Variants in KIF15 observed in about 807,000 individuals in gnomAD.
KIF15 encodes kinesin family member 15.
In KIF15, 140 loss-of-function variants were observed where a neutral mutation model predicts 190.6. That is an observed-to-expected ratio of 0.73 (90% CI 0.64 to 0.84). The LOEUF is 0.84. KIF15 is among the 40% of genes least tolerant of loss of function. The probability of loss-of-function intolerance (pLI) is 0.00; values close to 1 mark genes in which losing one functional copy is unlikely to be tolerated. For synonymous variants in KIF15, 528 were observed against 551.3 expected, an observed-to-expected ratio of 0.96 and a Z score of 0.59; for missense variants, 1,372 against 1,584.4, an observed-to-expected ratio of 0.87 and a Z score of 2.28.
intron 18 of KIF15, 60 bp downstream of exon 18, chr3:44,812,349 GAAAC>G: frequency 2.1e-5 from 25 of 1,204,210 alleles, no homozygotes; most frequent in Non-Finnish European, 2.9e-5. Flanking sequence ...TTACCTTGAG[GAAAC>G]ATCCTCAAGG....
At chr3:44,780,592 T>C (rs943471822) in intron 4 of KIF15, among the ~76,000 whole-genome samples, 1 of 152,148 alleles carries the variant, frequency 6.6e-6, no homozygotes, top group Non-Finnish European at 1.5e-5. Flanking sequence ...AAAAATAGGT[T>C]GCAAAGCAGT....
Position 44,815,040 on chromosome 3 carries a change from G to A in KIF15, c.2513G>A (p.Arg838Lys), listed in dbSNP as rs1204441885. 6.2e-7 allele frequency: 1 copy of A among 1,610,484 alleles called. No individual in the cohort carries two copies. The highest frequency in any genetic ancestry group is 8.5e-7 in the Non-Finnish European group (1 of 1,178,892). ...QEKEFNKLSE[R>K]HMHVQLQLDN... ...AAAGAATTCAACAAACTTTCCGAAA[G>A]ACACATGCATGTACAGCTTCAATTA... Residue 838 changes from arginine to lysine, a missense_variant, in exon 20 of 35, where the codon AGA becomes AAA. Physicochemically the swap from Arg to Lys is conservative, Grantham distance 26. Transcript: ENST00000326047.
In KIF15 at chr3:44,774,404, GC is replaced by G; in HGVS notation, c.30del (p.Ser11AlafsTer2). The G allele has an allele frequency of 6.2e-7, 1 of 1,611,796 alleles. No homozygotes were observed. The highest frequency in any genetic ancestry group is 8.5e-7 in the Non-Finnish European group (1 of 1,178,924). On this transcript the variant is annotated frameshift_variant, in exon 2 of 35. Coordinates refer to ENST00000326047, the MANE Select transcript of KIF15 (RefSeq NM_020242.3). LOFTEE classifies it high-confidence loss of function. ...CTTTTTTTTTTTCTAGCTGAGTTAC[GC>G]AGCGTGACAAATGGTCAGTCTAACC... Reference protein sequence around the residue: MAPGCKTELRSVTNGQSNQP... With the variant: MAPGCKTELXSVTNGQSNQP...
chr3:44,790,676 C>T (rs1575597284), intron 7 of KIF15, among the ~76,000 whole-genome samples: 2 of 148,058 alleles, frequency 1.4e-5, no homozygotes, highest in East Asian at 4.0e-4. Flanking sequence ...TATACGTTTT[C>T]CCATCAGTTT....
intron 8 of KIF15, among the ~76,000 whole-genome samples, chr3:44,796,734 T>A (rs1445505261): frequency 6.6e-6 from 1 of 152,238 alleles, no homozygotes; most frequent in South Asian, 2.1e-4. Context: ...TAGCTCATTT[T>A]TTCCCCCCAC....
intron 6 of KIF15, chr3:44,864,238 G>C (rs771634203): frequency 1.9e-6 from 3 of 1,614,158 alleles, no homozygotes; most frequent in Non-Finnish European, 1.7e-6. Flanking sequence ...TTGTGATGGC[G>C]AGCACCAATT....
intron 5 of KIF15, among the ~76,000 whole-genome samples, chr3:44,782,098 A>G (rs1363158119): frequency 1.3e-5 from 2 of 151,802 alleles, no homozygotes; most frequent in African/African-American, 4.8e-5. Flanking sequence ...CGCCTAGGCT[A>G]GAGTGCAGTG....
rs773948572 is a variant in KIF15, at chr3:44,811,044, G to A, written c.2169+1G>A. 1.3e-6 allele frequency: 2 copies of A among 1,578,880 alleles called. No individual in the cohort carries two copies. Among genetic ancestry groups the A allele is most frequent in the Non-Finnish European group, 1.7e-6 (2 of 1,168,500 alleles). ...TTCTGAAGAGCTTAGAACAGTGCAG[G>A]TAATGTTTTGTTCTAGAAAAAATAA... is the stretch of plus-strand genomic sequence containing the variant. On this transcript the variant is annotated splice_donor_variant, in intron 17 of 34. Transcript: ENST00000326047. LOFTEE classifies it high-confidence loss of function.
intron 5 of KIF15, 82 bp downstream of exon 5, chr3:44,781,004 A>G (rs540184728): frequency 1.9e-5 from 19 of 991,970 alleles, no homozygotes; most frequent in Admixed American, 1.7e-4. Flanking sequence ...GAAAGGCATA[A>G]TTTCTATATA....
At chr3:44,778,249 T>C in intron 4 of KIF15, 58 bp downstream of exon 4, 1 of 1,322,484 alleles carries the variant, frequency 7.6e-7, no homozygotes, top group Non-Finnish European at 1.1e-6. Context: ...TTCCTGTTGC[T>C]GTTGTAACAA....
chr3:44,766,119 A>G, intron 1 of KIF15: 1 of 152,850 alleles, frequency 6.5e-6, no homozygotes, highest in Non-Finnish European at 1.5e-5. Context: ...GGATTACATC[A>G]TGAGCCACCA....
Position 44,776,079 on chromosome 3 carries a change from C to CA in KIF15, c.246+659dup, listed in dbSNP as rs879571270. ...TGGGCAACAGAGCAAGACTCTGTCTCAAAAAAAAAAAAAAAAATTTCTTTT... is the reference window on the plus strand; with the variant it reads ...TGGGCAACAGAGCAAGACTCTGTCTCAAAAAAAAAAAAAAAAAATTTCTTTT... On this transcript the variant is annotated intron_variant, in intron 3 of 34. Transcript: ENST00000326047. Among the ~76,000 whole-genome samples, 814 of 100,946 alleles carry CA rather than the reference C, an allele frequency of 8.1e-3. 1 individual carries two copies. Among genetic ancestry groups the CA allele is most frequent in the Non-Finnish European group, 9.5e-3 (460 of 48,186 alleles). 66.2% of individuals were successfully genotyped at this position (100,946 alleles called of 152,430 possible). A position where few individuals can be genotyped will look rare whatever the true frequency, so the allele number is the denominator to read the frequency against.
At chr3:44,784,264 C>G (rs1256620027) in intron 5 of KIF15, among the ~76,000 whole-genome samples, 2 of 152,152 alleles carry the variant, frequency 1.3e-5, no homozygotes, top group African/African-American at 4.8e-5. Flanking sequence ...CTCCGCCTCC[C>G]AGGTTCACGC....
intron 22 of KIF15, 50 bp downstream of exon 22, chr3:44,826,510 C>A: frequency 2.4e-6 from 3 of 1,239,882 alleles, no homozygotes; most frequent in Non-Finnish European, 3.4e-6. Flanking sequence ...TTGTTTAATA[C>A]CACATTCTTA....
At chr3:44,832,641 G>A (rs76332118) in intron 26 of KIF15, among the ~76,000 whole-genome samples, 2,839 of 152,264 alleles carry the variant, frequency 0.019, 75 homozygotes, top group African/African-American at 0.064. Flanking sequence ...AGATATCCAA[G>A]ATGGCTATTC....
chr3:44,771,055 T>A (rs940758792), intron 1 of KIF15, among the ~76,000 whole-genome samples: 1 of 152,206 alleles, frequency 6.6e-6, no homozygotes, highest in African/African-American at 2.4e-5. Flanking sequence ...GAAACCTGCA[T>A]TTGAGAGCAC....
At chr3:44,780,719 T>C (rs998651195) in intron 4 of KIF15, among the ~76,000 whole-genome samples, 166 bp from the exon 5 acceptor site, 1 of 152,116 alleles carries the variant, frequency 6.6e-6, no homozygotes, top group African/African-American at 2.4e-5. Context: ...TGTAGGGAGA[T>C]TGGAGAGAAA....
intron 1 of KIF15, among the ~76,000 whole-genome samples, chr3:44,763,591 C>T (rs1470736432): frequency 3.3e-5 from 5 of 152,164 alleles, no homozygotes; most frequent in Admixed American, 6.5e-5. Context: ...TGAGCCACCA[C>T]ACCCGGCCCC....
rs1006758365 is a variant in KIF15 at position 44,792,562 on chromosome 3, T to G, written c.640-1655T>G. On this transcript the variant is annotated intron_variant, in intron 7 of 34. Coordinates refer to ENST00000326047, the MANE Select transcript of KIF15 (RefSeq NM_020242.3). ...ACAGCTACGAATTTTTTTTTTTTTT[T>G]TGTGATGAGACAGAGTCTCTGTTGC... 9.2e-5 allele frequency among the ~76,000 whole-genome samples: 14 copies of G among 151,904 alleles called. No individual in the cohort carries two copies. The East Asian group carries it at 9.6e-4, about 10-fold the overall frequency.
Sources: gnomAD v4.1 joint callset for allele counts (sites outside exome capture counted in the v4.1 genomes callset) on GRCh38, gnomAD v4.1.1 for gene constraint, MANE v1.5 for transcripts, NCBI Gene and HGNC (gene_info 2026-07-23, HGNC 2026-07-21) for gene names.